RMND1: variants seen among roughly 807,000 people sequenced by gnomAD.
The protein encoded by RMND1 is required for meiotic nuclear division protein 1 homolog.
In RMND1, 41 loss-of-function variants were observed where a neutral mutation model predicts 54.0. The observed-to-expected ratio is 0.76, with a 90% CI of 0.59 to 0.98. The LOEUF (loss-of-function observed/expected upper bound fraction) is 0.98. Among genes scored for constraint, RMND1 ranks in the 50% least tolerant of loss-of-function variants. The pLI, the probability that RMND1 is intolerant of heterozygous loss-of-function variation, is 0.00. For missense variants in RMND1, 457 were observed against 532.0 expected (o/e 0.86, Z 1.39); for synonymous variants, 183 against 181.7 (o/e 1.01, Z -0.06).
At chr6:151,408,472 AAAAG>A (rs1779705979) in intron 10 of RMND1, among the ~76,000 whole-genome samples, 1 of 152,196 alleles carries the variant, frequency 6.6e-6, no homozygotes, top group South Asian at 2.1e-4. Flanking sequence ...ATCTCAGAAA[AAAAG>A]AAGTTAGTAC....
At chr6:151,405,564 A>T (rs1455313144) in intron 11 of RMND1, among the ~76,000 whole-genome samples, 156 bp downstream of exon 11, 1 of 152,242 alleles carries the variant, frequency 6.6e-6, no homozygotes, top group Non-Finnish European at 1.5e-5. Context: ...TGCATTTGCA[A>T]ATAGTAATTT....
rs140701466 is a variant in RMND1, at chr6:151,416,270, G to A, written c.1200+1009C>T. On this transcript the variant is annotated intron_variant, in intron 10 of 11. Coordinates refer to ENST00000444024, the MANE Select transcript of RMND1 (RefSeq NM_017909.4). ...GCTGGGGTTACAGGCATGAGCCACC[G>A]CACCTGGCACAGTTTTGTGTCTTGA... 6.6e-5 allele frequency among the ~76,000 whole-genome samples: 10 copies of A among 151,902 alleles called. No homozygotes were observed. In the East Asian group the frequency reaches 9.8e-4, roughly 15 times the overall value.
intron 10 of RMND1, among the ~76,000 whole-genome samples, chr6:151,410,970 A>AT (rs1294253696): frequency 1.3e-5 from 2 of 151,868 alleles, no homozygotes. Flanking sequence ...TTTATTAATT[A>AT]TTTTTTTGGA....
intron 10 of RMND1, chr6:151,413,949 T>G (rs1404858552): frequency 1.3e-5 from 2 of 152,224 alleles, no homozygotes; most frequent in Non-Finnish European, 2.9e-5. Flanking sequence ...CAACTGCAGA[T>G]AGCTTTGATG....
chr6:151,419,368 C>A lies in RMND1; in HGVS notation c.1079+1877G>T, dbSNP rs369033495. On this transcript the variant is annotated intron_variant, in intron 9 of 11. Coordinates refer to ENST00000444024, the MANE Select transcript of RMND1 (RefSeq NM_017909.4). ...GTGTGAGCCACCGTGCCTGGCCTTA[C>A]ACTTAGATGTTTAACTAAATAAAAA... Among the ~76,000 whole-genome samples the A allele has an allele frequency of 1.7e-4, 26 of 151,922 alleles. No individual in the cohort carries two copies. In the East Asian group the frequency reaches 4.7e-3, roughly 27 times the overall value.
At chr6:151,415,671 T>C (rs540404183) in intron 10 of RMND1, among the ~76,000 whole-genome samples, 12 of 151,598 alleles carry the variant, frequency 7.9e-5, no homozygotes, top group African/African-American at 2.9e-4. Flanking sequence ...CGGGTGCCTG[T>C]AGTCCCACCT....
At chr6:151,411,506 T>C (rs1779833334) in intron 10 of RMND1, 2 of 152,210 alleles carry the variant, frequency 1.3e-5, no homozygotes, top group Non-Finnish European at 2.9e-5. Flanking sequence ...AGAAGGGGCT[T>C]GGGCAGCCTG....
At chr6:151,436,277 T>C in intron 3 of RMND1, 169 bp downstream of exon 3, 3 of 686,120 alleles carry the variant, frequency 4.4e-6, no homozygotes, top group Non-Finnish European at 7.1e-6. Flanking sequence ...TGTAAATACA[T>C]TTTAATTCTT....
At position 151,405,055 on chromosome 6, in the gene RMND1, G is replaced by A. The variant is rs549029961; in HGVS notation, c.*180C>T. 6.4e-5 allele frequency: 35 copies of A among 544,430 alleles called. No homozygotes were observed. The East Asian group carries it at 1.1e-3, about 17-fold the overall frequency. 33.7% of individuals were successfully genotyped at this position (544,430 alleles called of 1,614,324 possible). Reference sequence around the variant, plus strand: ...GGCTAATTTTGGTATTTTTAGTAGAGATGGGGTTTCACCATGTTGGCCAGG... The same window carrying A: ...GGCTAATTTTGGTATTTTTAGTAGAAATGGGGTTTCACCATGTTGGCCAGG... On this transcript the variant is annotated 3_prime_UTR_variant, in exon 12 of 12. Coordinates refer to ENST00000444024, the MANE Select transcript of RMND1 (RefSeq NM_017909.4).
chr6:151,439,249 C>T (rs1780701055), intron 2 of RMND1, among the ~76,000 whole-genome samples: 1 of 152,152 alleles, frequency 6.6e-6, no homozygotes, highest in Non-Finnish European at 1.5e-5. Context: ...TTATACTTCG[C>T]CTATTGATGG....
chr6:151,424,255 T>C (rs556416085), intron 6 of RMND1, among the ~76,000 whole-genome samples: 1 of 151,860 alleles, frequency 6.6e-6, no homozygotes. Context: ...GGTCAGGAGA[T>C]TGAGACCATC....
chr6:151,436,644 A>C, intron 2 of RMND1, 90 bp from the exon 3 acceptor site: 1 of 1,278,036 alleles, frequency 7.8e-7, no homozygotes, highest in South Asian at 1.4e-5. Context: ...TCCATTCTGC[A>C]AAGCTAGAAC....
chr6:151,436,909 C>A (rs772445110), intron 2 of RMND1: 14 of 165,812 alleles, frequency 8.4e-5, no homozygotes, highest in Non-Finnish European at 1.6e-4. Flanking sequence ...TTAAGTCTCT[C>A]CAACCCTGAG....
intron 2 of RMND1, chr6:151,444,514 A>C (rs902828472): frequency 1.9e-4 from 29 of 152,174 alleles, no homozygotes; most frequent in African/African-American, 6.8e-4. Flanking sequence ...AGCCAAAATG[A>C]AACAGGCTCA....
At chr6:151,443,438 A>C (rs927170672) in intron 2 of RMND1, among the ~76,000 whole-genome samples, 9 of 152,080 alleles carry the variant, frequency 5.9e-5, no homozygotes, top group Middle Eastern at 3.4e-3. Context: ...CAGCCTCCCG[A>C]GCCGCTGGGA....
In RMND1 at chr6:151,405,137, TGGGATTACAGGCATGAGGCACCGCGCC is replaced by T; in HGVS notation, c.*71_*97del. The T allele has an allele frequency of 3.7e-6, 4 of 1,067,740 alleles. No individual in the cohort carries two copies. Among genetic ancestry groups the T allele is most frequent in the Non-Finnish European group, 5.7e-6 (4 of 698,120 alleles). The allele number at this position is 1,067,740 out of a possible 1,614,324, so 66.1% of individuals were successfully genotyped here. On this transcript the variant is annotated 3_prime_UTR_variant, in exon 12 of 12. Coordinates refer to ENST00000444024, the MANE Select transcript of RMND1 (RefSeq NM_017909.4). ...CACCCTTCTTGGCCTCCGAAAGTGC[TGGGATTACAGGCATGAGGCACCGCGCC>T]GGGCCGAACATTTAATTTTTGATTG...
chr6:151,405,617 C>A, intron 11 of RMND1, 103 bp downstream of exon 11: 1 of 676,130 alleles, frequency 1.5e-6, no homozygotes, highest in Non-Finnish European at 2.6e-6. Flanking sequence ...AAGTCAGCCT[C>A]TTTTCTGCTA....
chr6:151,427,463 T>G lies in RMND1; in HGVS notation c.830+19A>C. On this transcript the variant is annotated intron_variant, in intron 6 of 11. Transcript: ENST00000444024. ...TATTCCAAGTGCCCCTTTCATAAAT[T>G]TGATGAAAAGTTGCTTACTCTATTT... 1 of 1,458,978 alleles carries G rather than the reference T, an allele frequency of 6.9e-7. No individual in the cohort carries two copies. Among genetic ancestry groups the G allele is most frequent in the Non-Finnish European group, 9.6e-7 (1 of 1,041,272 alleles). The allele number at this position is 1,458,978 out of a possible 1,614,324, so 90.4% of individuals were successfully genotyped here. A position where few individuals can be genotyped will look rare whatever the true frequency, so the allele number is the denominator to read the frequency against.
chr6:151,427,848 G>T (rs1780346505), intron 5 of RMND1, among the ~76,000 whole-genome samples: 1 of 152,106 alleles, frequency 6.6e-6, no homozygotes, highest in African/African-American at 2.4e-5. Flanking sequence ...AAAATCACTA[G>T]TAATATTATA....
Sources: allele counts gnomAD v4.1 joint callset (sites outside exome capture counted in the v4.1 genomes callset), GRCh38; gene constraint gnomAD v4.1.1; transcripts MANE v1.5; gene names NCBI Gene and HGNC (gene_info 2026-07-23, HGNC 2026-07-21).